The following TENM2 variants were observed in gnomAD, a reference collection of about 807,000 sequenced individuals.
TENM2 encodes the protein teneurin-2.
Under a neutral mutation model 245.2 loss-of-function variants are expected in TENM2, and 52 were observed. That is an observed-to-expected ratio of 0.21 (90% CI 0.17 to 0.27). The LOEUF is 0.27. Among genes scored for constraint, TENM2 ranks in the 10% least tolerant of loss-of-function variants. The pLI is 1.00. For missense variants in TENM2, 3,046 were observed against 3,666.8 expected (o/e 0.83, Z 4.37); for synonymous variants, 1,363 against 1,438.9 (o/e 0.95, Z 1.19).
chr5:168,149,379 C>CCTG, intron 12 of TENM2: 1 of 457,076 alleles, frequency 2.2e-6, no homozygotes, highest in South Asian at 1.5e-5. Context: ...ACCTCATCTG[C>CCTG]CTGCTAGTTC....
the TENM2 span, among the ~76,000 whole-genome samples, chr5:167,197,772 A>G: frequency 4.7e-4 from 72 of 151,884 alleles, no homozygotes; most frequent in African/African-American, 1.6e-3. Flanking sequence ...TCTTCTTTCC[A>G]TATTCTCGGT....
chr5:168,085,916 C>T (rs984382256), intron 7 of TENM2, among the ~76,000 whole-genome samples: 1 of 152,232 alleles, frequency 6.6e-6, no homozygotes, highest in Non-Finnish European at 1.5e-5. Flanking sequence ...GTCAGGAGGC[C>T]AGCAATGCTG....
chr5:167,144,966 C>T, the TENM2 span, among the ~76,000 whole-genome samples: 5 of 152,098 alleles, frequency 3.3e-5, no homozygotes, highest in Non-Finnish European at 7.4e-5. Flanking sequence ...TTTCCTTGTC[C>T]TTTATTTCCT....
At chr5:167,318,515 A>T (rs570472290) in intron 1 of TENM2, among the ~76,000 whole-genome samples, 1 of 152,220 alleles carries the variant, frequency 6.6e-6, no homozygotes, top group Admixed American at 6.5e-5. Flanking sequence ...CTCAGTGATT[A>T]AAGCATCTTC....
chr5:168,171,688 G>A (rs889458454), intron 13 of TENM2, among the ~76,000 whole-genome samples: 2 of 152,050 alleles, frequency 1.3e-5, no homozygotes, highest in Admixed American at 6.6e-5. Context: ...TCTCTTAAGG[G>A]ATTATGTTTT....
intron 2 of TENM2, among the ~76,000 whole-genome samples, chr5:167,695,950 T>C (rs1284732575): frequency 1.3e-5 from 2 of 151,340 alleles, no homozygotes; most frequent in Admixed American, 6.6e-5. Context: ...AGGAGAATGA[T>C]GTGAACCTGG....
intron 2 of TENM2, among the ~76,000 whole-genome samples, chr5:167,733,716 G>A (rs946334554): frequency 6.6e-6 from 1 of 152,182 alleles, no homozygotes; most frequent in Admixed American, 6.5e-5. Context: ...GGGCCCCTTA[G>A]GTTCTTTGCT....
At chr5:167,218,048 C>A in the TENM2 span, among the ~76,000 whole-genome samples, 1 of 151,886 alleles carries the variant, frequency 6.6e-6, no homozygotes, top group Non-Finnish European at 1.5e-5. Context: ...CATAATGAGC[C>A]CTTTATGAGA....
intron 2 of TENM2, among the ~76,000 whole-genome samples, chr5:167,802,954 A>G (rs1175153822): frequency 6.6e-6 from 1 of 152,180 alleles, no homozygotes; most frequent in Non-Finnish European, 1.5e-5. Flanking sequence ...GACCCTGTAT[A>G]TTCAAAGAAA....
chr5:168,103,961 C>T (rs2152294308), intron 9 of TENM2, among the ~76,000 whole-genome samples: 1 of 152,330 alleles, frequency 6.6e-6, no homozygotes, highest in East Asian at 1.9e-4. Flanking sequence ...GGCACCCCAT[C>T]TCCCGGCTGT....
the TENM2 span, among the ~76,000 whole-genome samples, chr5:167,249,750 C>T: frequency 2.0e-5 from 3 of 152,106 alleles, no homozygotes; most frequent in Admixed American, 6.6e-5. Context: ...TCAAGACAGA[C>T]TTCTAGGGAT....
chr5:167,234,025 A>G, the TENM2 span, among the ~76,000 whole-genome samples: 1 of 138,332 alleles, frequency 7.2e-6, no homozygotes, highest in East Asian at 2.0e-4. Context: ...CTTTCCATCA[A>G]GCAAGTAAAA....
chr5:168,030,616 G>C (rs541167625), intron 5 of TENM2, among the ~76,000 whole-genome samples: 3 of 152,220 alleles, frequency 2.0e-5, no homozygotes, highest in Admixed American at 2.0e-4. Context: ...AGCTTTTTGA[G>C]GGCAGGAGTG....
At chr5:167,558,816 G>A (rs1353231413) in intron 2 of TENM2, among the ~76,000 whole-genome samples, 5 of 151,632 alleles carry the variant, frequency 3.3e-5, no homozygotes, top group Admixed American at 3.3e-4. Context: ...CTGGGTCCAT[G>A]CAAAAATGGT....
chr5:167,813,387 GCACACACACACA>G (rs142804283), intron 2 of TENM2, among the ~76,000 whole-genome samples: 14 of 145,516 alleles, frequency 9.6e-5, no homozygotes, highest in Non-Finnish European at 1.8e-4. Flanking sequence ...TACAAGTTCT[GCACACACACACA>G]CACACACACA....
intron 2 of TENM2, among the ~76,000 whole-genome samples, chr5:167,851,015 T>G (rs1770531489): frequency 6.6e-6 from 1 of 152,210 alleles, no homozygotes; most frequent in Non-Finnish European, 1.5e-5. Context: ...ATTATTGCCC[T>G]AATCCCAGGA....
chr5:167,813,395 ACACAC>A (rs1301558829), intron 2 of TENM2, among the ~76,000 whole-genome samples: 7 of 151,282 alleles, frequency 4.6e-5, no homozygotes, highest in African/African-American at 1.7e-4. Context: ...CTGCACACAC[ACACAC>A]ACACACACAC....
chr5:167,059,708 C>CT, the TENM2 span, among the ~76,000 whole-genome samples: 1,172 of 142,708 alleles, frequency 8.2e-3, 12 homozygotes, highest in African/African-American at 0.017. Flanking sequence ...AAGTAAATGT[C>CT]TTTTTTTTTT....
chr5:167,248,048 G>T, the TENM2 span, among the ~76,000 whole-genome samples: 2 of 152,058 alleles, frequency 1.3e-5, no homozygotes, highest in Non-Finnish European at 2.9e-5. Flanking sequence ...AACATAGCAT[G>T]CAGAGGGAGC....
Sources: allele counts gnomAD v4.1 joint callset (sites outside exome capture counted in the v4.1 genomes callset), GRCh38; gene constraint gnomAD v4.1.1; transcripts MANE v1.5; gene names NCBI Gene and HGNC (gene_info 2026-07-23, HGNC 2026-07-21).